The following CDC42EP4 variants were observed in gnomAD, a reference collection of about 807,000 sequenced individuals.
CDC42EP4 encodes the protein CDC42 effector protein (Rho GTPase binding) 4.
In CDC42EP4, 6 loss-of-function variants were observed where a neutral mutation model predicts 5.6. The observed-to-expected ratio is 1.07, with a 90% CI of 0.59 to 2.12. The LOEUF is 2.12. CDC42EP4 is among the 30% of genes most tolerant of loss of function. The pLI is 0.00. For missense variants in CDC42EP4, 490 were observed against 508.6 expected, an observed-to-expected ratio of 0.96 and a Z score of 0.35; for synonymous variants, 230 against 224.2, an observed-to-expected ratio of 1.03 and a Z score of -0.23.
Position 73,284,545 on chromosome 17 carries a change from C to A in CDC42EP4, c.*885G>T, listed in dbSNP as rs2062119518. The A allele has an allele frequency of 6.6e-6, 1 of 151,610 alleles. No homozygotes were observed. Among genetic ancestry groups the A allele is most frequent in the African/African-American group, 2.4e-5 (1 of 41,142 alleles). 9.4% of individuals were successfully genotyped at this position (151,610 alleles called of 1,614,324 possible). A position where few individuals can be genotyped will look rare whatever the true frequency, so the allele number is the denominator to read the frequency against. The stretch of plus-strand genomic sequence containing the variant: ...TCCCCAGACTCCAGTCCGCTAATCG[C>A]CACCAGACTCCAGTCCGCTAATCGC... On this transcript the variant is annotated 3_prime_UTR_variant, in exon 2 of 2. Transcript: ENST00000335793.
chr17:73,305,272 C>T (rs1599442469), intron 1 of CDC42EP4, among the ~76,000 whole-genome samples: 1 of 152,242 alleles, frequency 6.6e-6, no homozygotes, highest in South Asian at 2.1e-4. Flanking sequence ...CTGGGCCAGG[C>T]AGGATGGATG....
Position 73,286,489 on chromosome 17 carries a change from G to A in CDC42EP4, c.12C>T (p.Leu4=). ...GCACCGAGCTGGACACCAGTTGCTT[G>A]AGGATTGGCATCTTGCTGGATGGGC... is the stretch of plus-strand genomic sequence containing the variant. MPI[L]KQLVSSSVHS... Residue 4 remains leucine, a synonymous_variant, in exon 2 of 2, where the codon CTC becomes CTT. Transcript: ENST00000335793. This position sits in a 1 kb window ranked among gnomAD's most constrained non-coding sequence, Gnocchi z 7.7. 4 of 1,592,016 alleles carry A rather than the reference G, an allele frequency of 2.5e-6. No homozygotes were observed. The highest frequency in any genetic ancestry group is 3.4e-6 in the Non-Finnish European group (4 of 1,165,782).
At chr17:73,289,267 G>A (rs2062148998) in intron 1 of CDC42EP4, among the ~76,000 whole-genome samples, 1 of 152,152 alleles carries the variant, frequency 6.6e-6, no homozygotes, top group Non-Finnish European at 1.5e-5. Flanking sequence ...GGAGGCTACG[G>A]CAGGAGGATC....
chr17:73,288,971 T>C lies in CDC42EP4; in HGVS notation c.-112-2359A>G, dbSNP rs140992485. ...TGAGATGATACTCTACTCTGGGTCA[T>C]AGGTCAGCTCTCTCTCCTCCCTACC... On this transcript the variant is annotated intron_variant, in intron 1 of 1. Transcript: ENST00000335793. Among the ~76,000 whole-genome samples, 3 of 152,322 alleles carry C rather than the reference T, an allele frequency of 2.0e-5. No individual in the cohort carries two copies. The East Asian group carries it at 5.8e-4, about 29-fold the overall frequency.
intron 1 of CDC42EP4, chr17:73,309,679 C>G (rs936483600): frequency 3.9e-5 from 6 of 152,312 alleles, no homozygotes; most frequent in African/African-American, 1.4e-4. Context: ...TACAGCAGAG[C>G]AGGAGCAAGC....
chr17:73,308,197 G>A (rs2062254481), intron 1 of CDC42EP4, among the ~76,000 whole-genome samples: 1 of 152,188 alleles, frequency 6.6e-6, no homozygotes, highest in Non-Finnish European at 1.5e-5. Flanking sequence ...ACTGGCTGGA[G>A]TTGGCCTTCA....
chr17:73,301,557 T>C (rs550940149), intron 1 of CDC42EP4, among the ~76,000 whole-genome samples: 54 of 152,352 alleles, frequency 3.5e-4, no homozygotes, highest in African/African-American at 1.3e-3. Flanking sequence ...CCTTAACTAT[T>C]TCCAGATGAT....
chr17:73,286,056 C>T lies in CDC42EP4; in HGVS notation c.445G>A (p.Asp149Asn). 1.2e-6 allele frequency: 2 copies of T among 1,613,998 alleles called. No individual in the cohort carries two copies. Among genetic ancestry groups the T allele is most frequent in the Non-Finnish European group, 1.7e-6 (2 of 1,180,036 alleles). Reference protein sequence around the residue: ...LSSSPVKKANDGEGGDEEAGT... With the variant: ...LSSSPVKKANNGEGGDEEAGT... ...GCCTCCTCATCGCCGCCCTCCCCGTCATTGGCCTTCTTCACGGGGCTGGAT... is the reference window on the plus strand; with the variant it reads ...GCCTCCTCATCGCCGCCCTCCCCGTTATTGGCCTTCTTCACGGGGCTGGAT... The change falls in exon 2 of 2, where the codon GAC becomes AAC. Residue 149 changes from aspartate to asparagine, a missense_variant. Coordinates refer to ENST00000335793, the MANE Select transcript of CDC42EP4 (RefSeq NM_012121.5). This position sits in a 1 kb window ranked among gnomAD's most constrained non-coding sequence, Gnocchi z 7.7.
intron 1 of CDC42EP4, among the ~76,000 whole-genome samples, chr17:73,308,459 G>A (rs2062255918): frequency 6.6e-6 from 1 of 152,186 alleles, no homozygotes; most frequent in African/African-American, 2.4e-5. Flanking sequence ...ACTCCTCTGA[G>A]TCTGCAGAAC....
chr17:73,295,099 A>C (rs2062178331), intron 1 of CDC42EP4, among the ~76,000 whole-genome samples: 1 of 152,082 alleles, frequency 6.6e-6, no homozygotes, highest in Admixed American at 6.6e-5. Flanking sequence ...GGCTTGAGCC[A>C]TTGCGCCTGG....
chr17:73,293,638 G>A (rs944159806), intron 1 of CDC42EP4, among the ~76,000 whole-genome samples: 2 of 152,210 alleles, frequency 1.3e-5, no homozygotes, highest in Non-Finnish European at 2.9e-5. Flanking sequence ...GCACGCTGGA[G>A]GGGGTTGTGC....
intron 1 of CDC42EP4, among the ~76,000 whole-genome samples, chr17:73,309,038 CAAAAAAAAAA>C (rs57714877): frequency 2.9e-5 from 1 of 33,994 alleles, no homozygotes; most frequent in Non-Finnish European, 4.9e-5. Flanking sequence ...GCTCTGTCTC[CAAAAAAAAAA>C]AAAAAAAAAA....
Position 73,286,482 on chromosome 17 carries a change from G to C in CDC42EP4, c.19C>G (p.Leu7Val), listed in dbSNP as rs2062135353. ...TTGGAGTGCACCGAGCTGGACACCAGTTGCTTGAGGATTGGCATCTTGCTG... is the reference window on the plus strand; with the variant it reads ...TTGGAGTGCACCGAGCTGGACACCACTTGCTTGAGGATTGGCATCTTGCTG... Reference protein sequence around the residue: MPILKQLVSSSVHSKRR... With the variant: MPILKQVVSSSVHSKRR... The change falls in exon 2 of 2, where the codon CTG becomes GTG. Residue 7 changes from leucine (L) to valine (V), a missense_variant. Physicochemically the swap from Leu to Val is conservative, Grantham distance 32. Transcript: ENST00000335793. The surrounding 1 kb of genome is among the most constrained non-coding windows in gnomAD (Gnocchi z 7.7). The C allele has an allele frequency of 6.3e-7, 1 of 1,594,404 alleles. No homozygotes were observed. The highest frequency in any genetic ancestry group is 1.3e-5 in the African/African-American group (1 of 74,526).
At chr17:73,289,596 T>C (rs1033108304) in intron 1 of CDC42EP4, among the ~76,000 whole-genome samples, 8 of 151,870 alleles carry the variant, frequency 5.3e-5, no homozygotes, top group Non-Finnish European at 1.0e-4. Flanking sequence ...GCCACATCTT[T>C]ATTTACAAAA....
intron 1 of CDC42EP4, chr17:73,311,085 C>A (rs991330614): frequency 5.9e-5 from 9 of 152,222 alleles, no homozygotes; most frequent in Non-Finnish European, 1.2e-4. Context: ...GAGCTCGGGG[C>A]GCACTAGCCC....
intron 1 of CDC42EP4, among the ~76,000 whole-genome samples, chr17:73,303,787 T>A (rs1386772412): frequency 6.6e-6 from 1 of 152,124 alleles, no homozygotes; most frequent in African/African-American, 2.4e-5. Context: ...CTAGGGCTAG[T>A]CCCACTGATC....
chr17:73,289,765 A>AGGAAGGGAGGGGGGAAGGGAGGGGG (rs2062152397), intron 1 of CDC42EP4, among the ~76,000 whole-genome samples: 2 of 59,928 alleles, frequency 3.3e-5, no homozygotes, highest in African/African-American at 4.4e-5. Context: ...AAGGGAGGGG[A>AGGAAGGGAGGGGGGAAGGGAGGGGG]AGGAAAGGAA....
rs199968361 is a variant in CDC42EP4, at chr17:73,286,202, C to A, written c.299G>T (p.Arg100Leu). The change falls in exon 2 of 2, where the codon CGT (arginine) becomes CTT (leucine). Residue 100 changes from arginine (R) to leucine (L), a missense_variant. By Grantham distance (102) the Arg-to-Leu change is moderately radical (BLOSUM62 -2). Transcript: ENST00000335793. The surrounding 1 kb of genome is among the most constrained non-coding windows in gnomAD (Gnocchi z 7.7). ...QSVTRGEREQ[R>L]DMLGSLRDSA... is the part of the protein sequence containing the mutation. ...GTCCCGCAGGGAGCCCAGCATGTCA[C>A]GCTGCTCCCGCTCCCCCCTGGTCAC... 6.2e-7 allele frequency: 1 copy of A among 1,614,152 alleles called. No homozygotes were observed. The highest frequency in any genetic ancestry group is 8.5e-7 in the Non-Finnish European group (1 of 1,180,048).
At position 73,286,773 on chromosome 17, in the gene CDC42EP4, A is replaced by T. The variant is rs957548710; in HGVS notation, c.-112-161T>A. 1 of 431,478 alleles carries T rather than the reference A, an allele frequency of 2.3e-6. No individual in the cohort carries two copies. Among genetic ancestry groups the T allele is most frequent in the African/African-American group, 1.9e-5 (1 of 51,426 alleles). 26.7% of individuals were successfully genotyped at this position (431,478 alleles called of 1,614,324 possible). ...ATGGTATAACCCTGCCTGTTTCTTC[A>T]TCCGCAGGCATTCAGAGTAGAGGAG... On this transcript the variant is annotated intron_variant, in intron 1 of 1. Transcript: ENST00000335793. This position sits in a 1 kb window ranked among gnomAD's most constrained non-coding sequence, Gnocchi z 7.7.
Sources: allele counts gnomAD v4.1 joint callset (sites outside exome capture counted in the v4.1 genomes callset), GRCh38; gene constraint gnomAD v4.1.1; non-coding constraint Gnocchi (gnomAD v3.1); transcripts MANE v1.5; gene names NCBI Gene and HGNC (gene_info 2026-07-23, HGNC 2026-07-21).